LYRM7: variants seen among roughly 807,000 people sequenced by gnomAD.
LYRM7 encodes complex III assembly factor LYRM7.
A neutral mutation model predicts 15.8 loss-of-function variants in LYRM7; 9 were observed. That is an observed-to-expected ratio of 0.57 (90% CI 0.34 to 0.99). The LOEUF (loss-of-function observed/expected upper bound fraction) is 0.99, where lower values mean the gene tolerates loss of function less well. Among genes scored for constraint, LYRM7 ranks in the 50% least tolerant of loss-of-function variants. The pLI, the probability that LYRM7 is intolerant of heterozygous loss-of-function variation, is 0.02. For synonymous variants in LYRM7, 39 were observed against 39.4 expected (o/e 0.99, Z 0.04); for missense variants, 115 against 119.1 (o/e 0.97, Z 0.16).
At position 131,202,544 on chromosome 5, in the gene LYRM7, A is replaced by T. The variant is rs1412922655; in HGVS notation, c.*2943A>T. On this transcript the variant is annotated 3_prime_UTR_variant, in exon 5 of 5. Coordinates refer to ENST00000379380, the MANE Select transcript of LYRM7 (RefSeq NM_181705.4). Reference sequence around the variant, plus strand: ...ACATGGGTATCTCACCATGTTGCCCAGGCTGGAGTGCAGTAGCTATTCATA... The same window carrying T: ...ACATGGGTATCTCACCATGTTGCCCTGGCTGGAGTGCAGTAGCTATTCATA... 6.5e-6 allele frequency: 1 copy of T among 152,898 alleles called. No individual in the cohort carries two copies. The highest frequency in any genetic ancestry group is 1.9e-4 in the East Asian group (1 of 5,196). The allele number at this position is 152,898 out of a possible 1,614,324, so 9.5% of individuals were successfully genotyped here.
intron 3 of LYRM7, among the ~76,000 whole-genome samples, chr5:131,185,168 GA>G (rs373728099): frequency 3.3e-5 from 5 of 149,276 alleles, no homozygotes; most frequent in African/African-American, 7.4e-5. Context: ...CTTAAAAAAA[GA>G]AAAAAAAAGG....
At chr5:131,189,293 A>G (rs1466491265) in intron 4 of LYRM7, among the ~76,000 whole-genome samples, 2 of 151,862 alleles carry the variant, frequency 1.3e-5, no homozygotes, top group East Asian at 3.9e-4. Context: ...AATACAAAAA[A>G]TTAGCCAGGC....
At chr5:131,182,450 C>A in intron 3 of LYRM7, 151 bp downstream of exon 3, 1 of 727,346 alleles carries the variant, frequency 1.4e-6, no homozygotes, top group Non-Finnish European at 1.9e-6. Flanking sequence ...TTTGGTATGG[C>A]TCACCTCCTC....
intron 4 of LYRM7, among the ~76,000 whole-genome samples, chr5:131,199,224 T>C (rs1453718892): frequency 6.6e-6 from 1 of 152,216 alleles, no homozygotes; most frequent in Non-Finnish European, 1.5e-5. Context: ...TTATCAGTAA[T>C]TGGTAATTAA....
intron 4 of LYRM7, among the ~76,000 whole-genome samples, chr5:131,191,287 G>A (rs760918271): frequency 9.9e-5 from 15 of 151,786 alleles, no homozygotes; most frequent in Non-Finnish European, 2.1e-4. Context: ...AAATATTTTA[G>A]CAGTGTCTAT....
intron 4 of LYRM7, among the ~76,000 whole-genome samples, chr5:131,196,001 A>G (rs1755956745): frequency 6.6e-6 from 1 of 151,972 alleles, no homozygotes; most frequent in East Asian, 1.9e-4. Context: ...GGGGACAGGT[A>G]GTGAGTGGAT....
At position 131,199,523 on chromosome 5, in the gene LYRM7, T is replaced by TC; in HGVS notation, c.245-7dup. 1 of 1,562,230 alleles carries TC rather than the reference T, an allele frequency of 6.4e-7. No individual in the cohort carries two copies. The highest frequency in any genetic ancestry group is 8.7e-7 in the Non-Finnish European group (1 of 1,155,356). ...TGTTAATTATTCTCTTTTTTTTTTT[T>TC]CTTTCAGAACTGGTCCCTAGGAAAG... On this transcript the variant is annotated splice_region_variant and splice_polypyrimidine_tract_variant and intron_variant, in intron 4 of 4. Coordinates refer to ENST00000379380, the MANE Select transcript of LYRM7 (RefSeq NM_181705.4).
At position 131,180,180 on chromosome 5, in the gene LYRM7, T is replaced by G. The variant is rs1466880264; in HGVS notation, c.91+13T>G. 6.9e-6 allele frequency: 11 copies of G among 1,587,306 alleles called. No individual in the cohort carries two copies. Among genetic ancestry groups the G allele is most frequent in the Non-Finnish European group, 9.5e-6 (11 of 1,156,064 alleles). On this transcript the variant is annotated intron_variant, in intron 2 of 4. Coordinates refer to ENST00000379380, the MANE Select transcript of LYRM7 (RefSeq NM_181705.4). ...AGAGCATTAGAAGGTAAGTATGTTC[T>G]TTACCCCTTTGGAGCCAGTCTACTT...
Position 131,181,292 on chromosome 5 carries a change from A to AT in LYRM7, c.92-937_92-936insT, listed in dbSNP as rs1181892950. 3.0e-3 allele frequency among the ~76,000 whole-genome samples: 49 copies of AT among 16,076 alleles called. 4 individuals are homozygous for AT. The highest frequency in any genetic ancestry group is 4.8e-3 in the African/African-American group (32 of 6,696). The allele number at this position is 16,076 out of a possible 152,430, so 10.5% of individuals were successfully genotyped here. A position where few individuals can be genotyped will look rare whatever the true frequency, so the allele number is the denominator to read the frequency against. On this transcript the variant is annotated intron_variant, in intron 2 of 4. Coordinates refer to ENST00000379380, the MANE Select transcript of LYRM7 (RefSeq NM_181705.4). The stretch of plus-strand genomic sequence containing the variant: ...CTCCATCTGAAAAAAAAAAAAAAAA[A>AT]AAAAAAAAAAATATATATATATATA...
Position 131,200,772 on chromosome 5 carries a change from AT to A in LYRM7, c.*1175del, listed in dbSNP as rs1561550653. 1.3e-5 allele frequency: 2 copies of A among 152,288 alleles called. No homozygotes were observed. The highest frequency in any genetic ancestry group is 2.9e-5 in the Non-Finnish European group (2 of 68,030). The allele number at this position is 152,288 out of a possible 1,614,324, so 9.4% of individuals were successfully genotyped here. On this transcript the variant is annotated 3_prime_UTR_variant, in exon 5 of 5. Transcript: ENST00000379380. ...TATATAAATGTGCTGACTTACAGTTATTTTAGTGTCTATATGACATATTTTG... is the reference window on the plus strand; with the variant it reads ...TATATAAATGTGCTGACTTACAGTTATTTAGTGTCTATATGACATATTTTG...
intron 3 of LYRM7, among the ~76,000 whole-genome samples, chr5:131,185,314 C>T (rs1755780779): frequency 6.6e-6 from 1 of 152,172 alleles, no homozygotes; most frequent in Non-Finnish European, 1.5e-5. Flanking sequence ...AACCACATCC[C>T]CCTCATTCTT....
At chr5:131,181,411 A>G (rs143569524) in intron 2 of LYRM7, among the ~76,000 whole-genome samples, 8,339 of 117,310 alleles carry the variant, frequency 0.071, 1,070 homozygotes, top group African/African-American at 0.22. Context: ...ATATACATAT[A>G]TATGTTTATA....
In LYRM7 at chr5:131,205,237, A is replaced by G. The variant is rs773604563; in HGVS notation, c.*5636A>G. On this transcript the variant is annotated 3_prime_UTR_variant, in exon 5 of 5. Coordinates refer to ENST00000379380, the MANE Select transcript of LYRM7 (RefSeq NM_181705.4). ...CTTACTTGTGTTTATACTTTTACCAAGTGTGTATGTATTCAAAAAACAGTT... is the reference window on the plus strand; with the variant it reads ...CTTACTTGTGTTTATACTTTTACCAGGTGTGTATGTATTCAAAAAACAGTT... 1.3e-5 allele frequency: 2 copies of G among 152,172 alleles called. No individual in the cohort carries two copies. Among genetic ancestry groups the G allele is most frequent in the Non-Finnish European group, 2.9e-5 (2 of 68,024 alleles). The allele number at this position is 152,172 out of a possible 1,614,324, so 9.4% of individuals were successfully genotyped here.
chr5:131,172,204 G>A (rs10059849), intron 1 of LYRM7, among the ~76,000 whole-genome samples: 14 of 152,150 alleles, frequency 9.2e-5, no homozygotes, highest in African/African-American at 2.9e-4. Context: ...ACATGAGGTC[G>A]AGAGTTCGAG....
At chr5:131,198,030 T>C (rs1755997849) in intron 4 of LYRM7, among the ~76,000 whole-genome samples, 1 of 152,172 alleles carries the variant, frequency 6.6e-6, no homozygotes, top group Non-Finnish European at 1.5e-5. Context: ...TGTGTTTCCC[T>C]CATTTTTTTT....
At chr5:131,176,948 A>G (rs568557224) in intron 1 of LYRM7, among the ~76,000 whole-genome samples, 3 of 152,136 alleles carry the variant, frequency 2.0e-5, no homozygotes, top group Admixed American at 6.6e-5. Flanking sequence ...TTTGTGTCCT[A>G]TAAAGCAAAC....
intron 4 of LYRM7, among the ~76,000 whole-genome samples, chr5:131,193,973 C>T (rs575802110): frequency 2.0e-5 from 3 of 152,028 alleles, no homozygotes; most frequent in Admixed American, 2.0e-4. Context: ...TGCGCCATTG[C>T]ACTCCAGCCT....
At chr5:131,172,119 C>T (rs939311893) in intron 1 of LYRM7, among the ~76,000 whole-genome samples, 6 of 152,266 alleles carry the variant, frequency 3.9e-5, no homozygotes, top group Non-Finnish European at 7.4e-5. Context: ...ATTTCACATA[C>T]GATCTCTCAA....
intron 4 of LYRM7, among the ~76,000 whole-genome samples, chr5:131,188,016 G>A (rs1433891929): frequency 6.6e-6 from 1 of 151,938 alleles, no homozygotes; most frequent in African/African-American, 2.4e-5. Flanking sequence ...CAGCACTTTG[G>A]GAGGCCAAGG....
Sources: gnomAD v4.1 joint callset for allele counts (sites outside exome capture counted in the v4.1 genomes callset) on GRCh38, gnomAD v4.1.1 for gene constraint, MANE v1.5 for transcripts, NCBI Gene and HGNC (gene_info 2026-07-23, HGNC 2026-07-21) for gene names.